Variants in ERCC6L2 observed in about 807,000 individuals in gnomAD.
The protein encoded by ERCC6L2 is ERCC excision repair 6 like 2, also known as DNA excision repair protein ERCC-6-like 2.
In ERCC6L2, 77 loss-of-function variants were observed where a neutral mutation model predicts 132.0. The observed-to-expected ratio is 0.58, with a 90% CI of 0.49 to 0.71. ERCC6L2 has a LOEUF of 0.71. Ranked by LOEUF, ERCC6L2 falls within the 30% of genes least tolerant of loss-of-function variation. The pLI is 0.00. For synonymous variants in ERCC6L2, 583 were observed against 632.4 expected, an observed-to-expected ratio of 0.92 and a Z score of 1.17; for missense variants, 1,542 against 1,837.6, an observed-to-expected ratio of 0.84 and a Z score of 2.94.
chr9:96,004,445 G>T, intron 17 of ERCC6L2, 75 bp from the exon 18 acceptor site: 1 of 809,258 alleles, frequency 1.2e-6, no homozygotes, highest in South Asian at 1.6e-5. Context: ...TTGAGAAAAA[G>T]TAAGACATTC....
intron 17 of ERCC6L2, among the ~76,000 whole-genome samples, chr9:95,978,667 A>G (rs1832771891): frequency 6.6e-6 from 1 of 152,238 alleles, no homozygotes. Context: ...GTTAAAAGTC[A>G]TAAATACTTC....
chr9:96,030,522 C>A (rs368612518), intron 19 of ERCC6L2, among the ~76,000 whole-genome samples: 1 of 151,852 alleles, frequency 6.6e-6, no homozygotes, highest in Non-Finnish European at 1.5e-5. Flanking sequence ...ACGGTGAAAC[C>A]CCGTCTCTAC....
chr9:95,924,952 T>A (rs899388805), intron 9 of ERCC6L2, among the ~76,000 whole-genome samples: 16 of 152,194 alleles, frequency 1.1e-4, no homozygotes, highest in Non-Finnish European at 1.9e-4. Flanking sequence ...ATCATTTGAC[T>A]AACAGCATCA....
chr9:95,882,208 C>T (rs1052399394), intron 2 of ERCC6L2, among the ~76,000 whole-genome samples: 19 of 152,330 alleles, frequency 1.2e-4, no homozygotes, highest in East Asian at 1.9e-4. Context: ...AAACAGAAGT[C>T]ATAGTCTTTG....
intron 4 of ERCC6L2, among the ~76,000 whole-genome samples, chr9:95,915,399 A>G (rs1048316538): frequency 6.6e-6 from 1 of 152,016 alleles, no homozygotes; most frequent in Non-Finnish European, 1.5e-5. Flanking sequence ...AAATTCCTTT[A>G]TTGTCATTTC....
At chr9:96,004,246 G>A (rs922346282) in intron 17 of ERCC6L2, among the ~76,000 whole-genome samples, 2 of 152,058 alleles carry the variant, frequency 1.3e-5, no homozygotes, top group Non-Finnish European at 2.9e-5. Context: ...GGTATAGTAG[G>A]TATCAACGTA....
Position 96,015,028 on chromosome 9 carries a change from T to TG in ERCC6L2, c.*1825_*1826insG, listed in dbSNP as rs1011868006. ...CATATATGTACAGTTTTTTTTTTTT[T>TG]TTTTTTTTTTTTGAGATTGAGTCTC... On this transcript the variant is annotated 3_prime_UTR_variant, in exon 19 of 19. Transcript: ENST00000653738. Among the ~76,000 whole-genome samples, 10 of 127,450 alleles carry TG rather than the reference T, an allele frequency of 7.8e-5. No individual in the cohort carries two copies. The highest frequency in any genetic ancestry group is 3.0e-4 in the African/African-American group (9 of 29,856). The allele number at this position is 127,450 out of a possible 152,430, so 83.6% of individuals were successfully genotyped here.
chr9:96,005,486 G>C (rs151212514), intron 18 of ERCC6L2, among the ~76,000 whole-genome samples: 1 of 152,016 alleles, frequency 6.6e-6, no homozygotes, highest in Non-Finnish European at 1.5e-5. Flanking sequence ...CTTTTGGGAA[G>C]TCAGGGAAGA....
At chr9:95,962,938 G>A (rs986790408) in intron 13 of ERCC6L2, among the ~76,000 whole-genome samples, 10 of 152,080 alleles carry the variant, frequency 6.6e-5, no homozygotes, top group African/African-American at 1.9e-4. Flanking sequence ...GCACCTAAAC[G>A]TTACAGCACT....
chr9:96,001,959 C>T (rs570074911), intron 17 of ERCC6L2, among the ~76,000 whole-genome samples: 5 of 152,364 alleles, frequency 3.3e-5, no homozygotes, highest in Non-Finnish European at 7.3e-5. Flanking sequence ...GCCACTGGCC[C>T]GGGTGCTAAG....
At chr9:95,969,832 ATTCT>A (rs1406704353) in intron 14 of ERCC6L2, among the ~76,000 whole-genome samples, 3 of 152,152 alleles carry the variant, frequency 2.0e-5, no homozygotes, top group Non-Finnish European at 4.4e-5. Flanking sequence ...GTGTGTCTGT[ATTCT>A]TAAGTTGGGC....
intron 12 of ERCC6L2, among the ~76,000 whole-genome samples, chr9:95,943,374 G>A (rs950938003): frequency 1.3e-5 from 2 of 151,948 alleles, no homozygotes; most frequent in Non-Finnish European, 2.9e-5. Context: ...TTAAATGCTA[G>A]CAAAAAATTT....
intron 4 of ERCC6L2, among the ~76,000 whole-genome samples, chr9:95,912,781 C>G (rs1340542937): frequency 6.6e-6 from 1 of 152,012 alleles, no homozygotes; most frequent in Non-Finnish European, 1.5e-5. Context: ...TTGAGAGGAC[C>G]AGGCCAGTCA....
Position 95,920,977 on chromosome 9 carries a change from A to G in ERCC6L2, c.1159-198A>G, listed in dbSNP as rs150111606. Reference sequence around the variant, plus strand: ...TTTTTAGTAGAGATGAGGTTTCACCATGTTGGCCAGGATGGTCTTTATCTC... The same window carrying G: ...TTTTTAGTAGAGATGAGGTTTCACCGTGTTGGCCAGGATGGTCTTTATCTC... On this transcript the variant is annotated intron_variant, in intron 6 of 18. Transcript: ENST00000653738. Among the ~76,000 whole-genome samples the G allele has an allele frequency of 6.0e-3, 910 of 152,312 alleles. 5 individuals are homozygous for G. The highest frequency in any genetic ancestry group is 9.8e-3 in the Non-Finnish European group (668 of 68,006).
chr9:95,923,257 A>G lies in ERCC6L2; in HGVS notation c.1414-3A>G. ...ATCTTTTCTTCTGCCTTTTCCCTTC[A>G]AGGAAACACTTATCAAAAGGATATG... On this transcript the variant is annotated splice_region_variant and splice_polypyrimidine_tract_variant and intron_variant, in intron 8 of 18. Transcript: ENST00000653738. 6.2e-7 allele frequency: 1 copy of G among 1,612,548 alleles called. No homozygotes were observed. Among genetic ancestry groups the G allele is most frequent in the East Asian group, 2.2e-5 (1 of 44,814 alleles).
At chr9:95,928,668 AACTT>A in intron 10 of ERCC6L2, 47 bp from the exon 11 acceptor site, 2 of 1,521,010 alleles carry the variant, frequency 1.3e-6, no homozygotes, top group Non-Finnish European at 1.8e-6. Context: ...AATGGTCTGA[AACTT>A]ACTTAACCAA....
chr9:95,931,125 A>T (rs1263279340), intron 11 of ERCC6L2, among the ~76,000 whole-genome samples: 1 of 152,128 alleles, frequency 6.6e-6, no homozygotes, highest in African/African-American at 2.4e-5. Context: ...CTTAACATCA[A>T]CCTCATATGA....
At chr9:96,038,795 C>A in intron 19 of ERCC6L2, 1 of 452,316 alleles carries the variant, frequency 2.2e-6, no homozygotes, top group Non-Finnish European at 4.5e-6. Flanking sequence ...TCCCCTCATA[C>A]CGAATGGGGG....
At position 95,875,824 on chromosome 9, in the gene ERCC6L2, A is replaced by T. The variant is rs1827218562; in HGVS notation, c.-215A>T. ...TCCCCTGGCTCTGCCGCCGCTCCGG[A>T]CGTCGCCCTCCCGTTCTGCTTGGGT... On this transcript the variant is annotated 5_prime_UTR_variant, in exon 1 of 19. Transcript: ENST00000653738. 1 of 572,808 alleles carries T rather than the reference A, an allele frequency of 1.7e-6. No individual in the cohort carries two copies. The highest frequency in any genetic ancestry group is 2.1e-5 in the South Asian group (1 of 47,012). 35.5% of individuals were successfully genotyped at this position (572,808 alleles called of 1,614,324 possible).
Sources: allele counts gnomAD v4.1 joint callset (sites outside exome capture counted in the v4.1 genomes callset), GRCh38; gene constraint gnomAD v4.1.1; transcripts MANE v1.5; gene names NCBI Gene and HGNC (gene_info 2026-07-23, HGNC 2026-07-21).